Variants in POP1 observed in about 807,000 individuals in gnomAD.
POP1 encodes POP1 ribonuclease P/MRP subunit, also known as ribonucleases P/MRP protein subunit POP1.
A neutral mutation model predicts 102.2 loss-of-function variants in POP1; 75 were observed. The observed-to-expected ratio is 0.73, with a 90% CI of 0.61 to 0.89. POP1 has a LOEUF of 0.89. POP1 is among the 40% of genes least tolerant of loss of function. POP1 has a pLI of 0.00. For synonymous variants in POP1, 436 were observed against 464.1 expected, an observed-to-expected ratio of 0.94 and a Z score of 0.78; for missense variants, 1,116 against 1,267.4, an observed-to-expected ratio of 0.88 and a Z score of 1.81.
chr8:98,128,215 G>A, intron 3 of POP1, 150 bp from the exon 4 acceptor site: 1 of 742,298 alleles, frequency 1.3e-6, no homozygotes, highest in Non-Finnish European at 2.3e-6. Context: ...TATATTCCTT[G>A]TACCTTGTAC....
At chr8:98,129,594 C>G (rs1586231592) in intron 4 of POP1, among the ~76,000 whole-genome samples, 1 of 152,184 alleles carries the variant, frequency 6.6e-6, no homozygotes, top group African/African-American at 2.4e-5. Flanking sequence ...GTTTTAGTTA[C>G]AATTCTACAG....
intron 9 of POP1, among the ~76,000 whole-genome samples, 170 bp from the exon 10 acceptor site, chr8:98,139,908 C>T (rs1371226136): frequency 6.6e-6 from 1 of 152,150 alleles, no homozygotes. Flanking sequence ...GGTAGTTAGT[C>T]TGGTATTAAT....
chr8:98,134,776 T>C (rs1028990030), intron 7 of POP1, 117 bp downstream of exon 7: 1 of 1,085,416 alleles, frequency 9.2e-7, no homozygotes, highest in Non-Finnish European at 1.4e-6. Context: ...CTGATATTTG[T>C]ATATGGGGGG....
intron 14 of POP1, among the ~76,000 whole-genome samples, chr8:98,152,322 C>T (rs906941235): frequency 4.6e-5 from 7 of 152,156 alleles, no homozygotes; most frequent in Admixed American, 2.0e-4. Flanking sequence ...CTGTCTTTTT[C>T]GTTTAACAAT....
Position 98,136,681 on chromosome 8 carries a change from C to T in POP1, c.1211C>T (p.Thr404Ile). The part of the protein sequence containing the change: ...KPIKKIIGDG[T>I]RDPCLPYSWI... ...ATTAAAAAAATTATCGGTGATGGAA[C>T]TAGAGATCCATGTCTACCATACTCT... The change falls in exon 8 of 16, where the codon ACT becomes ATT. Residue 404 changes from threonine (T) to isoleucine (I), a missense_variant. Coordinates refer to ENST00000401707, the MANE Select transcript of POP1 (RefSeq NM_001145860.2). 5 of 1,613,006 alleles carry T rather than the reference C, an allele frequency of 3.1e-6. No individual in the cohort carries two copies. Among genetic ancestry groups the T allele is most frequent in the Non-Finnish European group, 4.2e-6 (5 of 1,178,998 alleles).
In POP1 at chr8:98,157,914, C is replaced by G. The variant is rs775591008; in HGVS notation, c.2718C>G (p.Ser906Arg). 5.0e-6 allele frequency: 8 copies of G among 1,614,162 alleles called. No individual in the cohort carries two copies. Among genetic ancestry groups the G allele is most frequent in the Non-Finnish European group, 5.9e-6 (7 of 1,180,040 alleles). ...CCAAACACAGTGACCCATTCAGGAG[C>G]AAGATCCTGAAACAGAAAGAGAAGA... ...QESKHSDPFR[S>R]KILKQKEKKK... Residue 906 changes from serine (S) to arginine (R), a missense_variant, in exon 16 of 16, where the codon AGC becomes AGG. Transcript: ENST00000401707.
intron 1 of POP1, among the ~76,000 whole-genome samples, chr8:98,120,749 C>A (rs1187405390): frequency 2.0e-5 from 3 of 151,772 alleles, no homozygotes; most frequent in Non-Finnish European, 1.5e-5. Flanking sequence ...CGGGTTCACG[C>A]CATTCTCCTG....
chr8:98,127,488 T>G (rs1181184928), intron 2 of POP1, 107 bp from the exon 3 acceptor site: 1 of 1,345,846 alleles, frequency 7.4e-7, no homozygotes, highest in African/African-American at 1.4e-5. Flanking sequence ...ACAGGGTGAC[T>G]ATAGGATTAA....
In POP1 at chr8:98,158,269, T is replaced by A. The variant is rs745352906; in HGVS notation, c.3073T>A (p.Ter1025ArgextTer11). The change falls in exon 16 of 16, where the codon TGA becomes AGA. Residue 1025 changes from the stop codon to arginine, a stop_lost. Transcript: ENST00000401707. ...ATTTGCGAGGATTGCTATTGAGGTG[T>A]GAATGCGTGCTTGTATCCCAGCAGG... ...YRFARIAIEV[*>R] 1 of 1,608,338 alleles carries A rather than the reference T, an allele frequency of 6.2e-7. No homozygotes were observed. Among genetic ancestry groups the A allele is most frequent in the Admixed American group, 1.7e-5 (1 of 60,020 alleles).
chr8:98,140,919 T>C (rs1816685503), intron 11 of POP1, 31 bp downstream of exon 11: 2 of 1,611,300 alleles, frequency 1.2e-6, no homozygotes, highest in African/African-American at 1.3e-5. Flanking sequence ...CAGGTTTTCC[T>C]TACTATTTCG....
chr8:98,138,636 T>C (rs1816616156), intron 9 of POP1, among the ~76,000 whole-genome samples: 1 of 152,192 alleles, frequency 6.6e-6, no homozygotes, highest in Admixed American at 6.5e-5. Flanking sequence ...GACTGTGAGC[T>C]TCATAAGGGT....
At chr8:98,118,632 G>C (rs781192026) in intron 1 of POP1, among the ~76,000 whole-genome samples, 1 of 151,990 alleles carries the variant, frequency 6.6e-6, no homozygotes, top group African/African-American at 2.4e-5. Flanking sequence ...CTTCATATTG[G>C]CCAGGCTGGT....
At chr8:98,128,579 C>T in intron 4 of POP1, 39 bp downstream of exon 4, 1 of 1,598,670 alleles carries the variant, frequency 6.3e-7, no homozygotes, top group African/African-American at 1.3e-5. Context: ...AGATTAGTAG[C>T]TCCTAGAAGA....
At chr8:98,155,212 G>A (rs967408009) in intron 14 of POP1, among the ~76,000 whole-genome samples, 10 of 152,152 alleles carry the variant, frequency 6.6e-5, no homozygotes, top group African/African-American at 2.4e-4. Flanking sequence ...GTGGCCACAT[G>A]GGGCTACATT....
In POP1 at chr8:98,156,300, G is replaced by A. The variant is rs1287352593; in HGVS notation, c.2308G>A (p.Glu770Lys). The change falls in exon 15 of 16, where the codon GAG (glutamate) becomes AAG (lysine). Residue 770 changes from glutamate to lysine, a missense_variant. By Grantham distance (56) the Glu-to-Lys change is moderately conservative. Transcript: ENST00000401707. ...ATCCATAGAGCACCCCAGGGAGGCA[G>A]AGGAGGTAATGGATGCAGGGTGTCA... ...GTSIEHPREA[E>K]EVMDAGCQES... is the part of the protein sequence containing the mutation. The A allele has an allele frequency of 6.2e-7, 1 of 1,614,218 alleles. No individual in the cohort carries two copies. Among genetic ancestry groups the A allele is most frequent in the East Asian group, 2.2e-5 (1 of 44,880 alleles).
In POP1 at chr8:98,127,197, G is replaced by T. The variant is rs187685435; in HGVS notation, c.143-398G>T. ...CCTCATGACCTAATCGCCTCCTAAA[G>T]GCCCCACCTCCTAATACCATCACCT... On this transcript the variant is annotated intron_variant, in intron 2 of 15. Transcript: ENST00000401707. Among the ~76,000 whole-genome samples the T allele has an allele frequency of 4.6e-5, 7 of 152,174 alleles. No individual in the cohort carries two copies. In the East Asian group the frequency reaches 1.4e-3, roughly 29 times the overall value.
Position 98,117,305 on chromosome 8 carries a change from GC to G in POP1, c.-87del, listed in dbSNP as rs992879711. 6 of 597,660 alleles carry G rather than the reference GC, an allele frequency of 1.0e-5. No individual in the cohort carries two copies. Among genetic ancestry groups the G allele is most frequent in the Non-Finnish European group, 1.8e-5 (6 of 337,348 alleles). The allele number at this position is 597,660 out of a possible 1,614,324, so 37.0% of individuals were successfully genotyped here. On this transcript the variant is annotated 5_prime_UTR_variant, in exon 1 of 16. The change creates a premature stop within an existing upstream ORF in the 5' untranslated region. Transcript: ENST00000401707. ...CCCGGTCTGGCGCATGCGCTCTCCA[GC>G]GCGCTCTCCAGGAGCTTTGGCTCGG... is the stretch of plus-strand genomic sequence containing the variant.
chr8:98,149,109 A>T, intron 13 of POP1, 103 bp downstream of exon 13: 1 of 1,126,268 alleles, frequency 8.9e-7, no homozygotes, highest in Non-Finnish European at 1.3e-6. Context: ...CTTAGGAGGA[A>T]TTGAGTGGTG....
chr8:98,127,224 G>A (rs1002986523), intron 2 of POP1, among the ~76,000 whole-genome samples: 15 of 152,128 alleles, frequency 9.9e-5, no homozygotes, highest in Non-Finnish European at 1.8e-4. Flanking sequence ...CCATCACCTC[G>A]GGGGTTAGGA....
Sources: gnomAD v4.1 joint callset for allele counts (sites outside exome capture counted in the v4.1 genomes callset) on GRCh38, gnomAD v4.1.1 for gene constraint, MANE v1.5 for transcripts, NCBI Gene and HGNC (gene_info 2026-07-23, HGNC 2026-07-21) for gene names.